The following SEMA3D variants were observed in gnomAD, a reference collection of about 807,000 sequenced individuals.
SEMA3D encodes semaphorin 3D.
SEMA3D carries 84 observed loss-of-function variants against 100.1 expected under a neutral mutation model. The ratio of observed to expected loss-of-function variants is 0.84; its 90% CI spans 0.70 to 1.01. The LOEUF (loss-of-function observed/expected upper bound fraction) is 1.01. SEMA3D is among the 50% of genes least tolerant of loss of function. The pLI is 0.00. For synonymous variants in SEMA3D, 312 were observed against 320.7 expected (o/e 0.97, Z 0.29); for missense variants, 875 against 934.1 (o/e 0.94, Z 0.82).
chr7:85,230,857 C>T, the SEMA3D span, among the ~76,000 whole-genome samples: 1 of 144,900 alleles, frequency 6.9e-6, no homozygotes, highest in Non-Finnish European at 1.5e-5. Flanking sequence ...GTAATTTCTA[C>T]CTGCTTATTG....
intron 3 of SEMA3D, among the ~76,000 whole-genome samples, chr7:85,118,754 TG>T (rs1358664166): frequency 1.9e-4 from 29 of 152,306 alleles, no homozygotes; most frequent in Non-Finnish European, 5.9e-5. Flanking sequence ...CACTGTCAAC[TG>T]TTGACAGTTT....
chr7:85,128,220 T>G (rs1195667173), intron 2 of SEMA3D, among the ~76,000 whole-genome samples: 1 of 151,980 alleles, frequency 6.6e-6, no homozygotes, highest in African/African-American at 2.4e-5. Context: ...CAGACAGGAG[T>G]GCAGTGGAGC....
intron 2 of SEMA3D, chr7:85,140,800 T>C (rs1583960968): frequency 1.1e-6 from 1 of 930,098 alleles, no homozygotes; most frequent in Non-Finnish European, 1.3e-6. Context: ...AATTATTCCA[T>C]TAATAATAGA....
intron 12 of SEMA3D, among the ~76,000 whole-genome samples, chr7:85,031,783 T>C (rs917348534): frequency 5.3e-5 from 8 of 151,986 alleles, no homozygotes; most frequent in Non-Finnish European, 1.2e-4. Context: ...GTCTGGATCA[T>C]AAGAAGTGTT....
At chr7:85,046,227 C>G (rs1315391786) in intron 9 of SEMA3D, among the ~76,000 whole-genome samples, 2 of 151,856 alleles carry the variant, frequency 1.3e-5, no homozygotes, top group African/African-American at 4.8e-5. Flanking sequence ...AAACATTTTA[C>G]TATGTAAAAG....
intron 11 of SEMA3D, among the ~76,000 whole-genome samples, chr7:85,038,620 G>T (rs1373715990): frequency 2.6e-5 from 4 of 152,094 alleles, no homozygotes; most frequent in South Asian, 2.1e-4. Context: ...CTATCTTGGG[G>T]CTATATTTTC....
the SEMA3D span, among the ~76,000 whole-genome samples, chr7:85,245,569 G>T: frequency 6.6e-6 from 1 of 151,944 alleles, no homozygotes; most frequent in Non-Finnish European, 1.5e-5. Context: ...TATACCCTTT[G>T]GTTTCCCATC....
At chr7:85,218,422 A>G in the SEMA3D span, among the ~76,000 whole-genome samples, 2 of 152,148 alleles carry the variant, frequency 1.3e-5, no homozygotes, top group African/African-American at 4.8e-5. Flanking sequence ...TTAAAAGTGT[A>G]CAATTATTTA....
intron 1 of SEMA3D, among the ~76,000 whole-genome samples, chr7:85,158,489 C>T (rs1790658516): frequency 6.6e-6 from 1 of 152,148 alleles, no homozygotes; most frequent in Non-Finnish European, 1.5e-5. Context: ...ATTGTCTGCT[C>T]TCAAACTCTA....
At chr7:85,196,264 A>T in the SEMA3D span, among the ~76,000 whole-genome samples, 4 of 152,132 alleles carry the variant, frequency 2.6e-5, no homozygotes, top group Admixed American at 2.6e-4. Context: ...GTGAATCTAG[A>T]ATCCTACCTC....
intron 3 of SEMA3D, among the ~76,000 whole-genome samples, chr7:85,108,209 A>T (rs1250057998): frequency 6.6e-6 from 1 of 152,078 alleles, no homozygotes; most frequent in Non-Finnish European, 1.5e-5. Context: ...ATAATGTCTA[A>T]ATCATTTCTG....
chr7:85,228,273 T>A, the SEMA3D span, among the ~76,000 whole-genome samples: 1 of 152,160 alleles, frequency 6.6e-6, no homozygotes, highest in Non-Finnish European at 1.5e-5. Context: ...CATGGTTAAA[T>A]AATTTCAAAC....
At chr7:85,203,922 A>G in the SEMA3D span, among the ~76,000 whole-genome samples, 1 of 152,178 alleles carries the variant, frequency 6.6e-6, no homozygotes, top group Non-Finnish European at 1.5e-5. Context: ...TTGGAATAAA[A>G]AAATGCTTCT....
the SEMA3D span, among the ~76,000 whole-genome samples, chr7:85,203,488 T>C: frequency 6.8e-3 from 1,028 of 152,222 alleles, 15 homozygotes; most frequent in African/African-American, 0.024. Flanking sequence ...ACTATATGAA[T>C]AGAATATTGT....
chr7:85,055,208 C>T (rs1003748543), intron 9 of SEMA3D, among the ~76,000 whole-genome samples: 8 of 151,828 alleles, frequency 5.3e-5, no homozygotes, highest in South Asian at 2.1e-4. Flanking sequence ...ATGTGATGTG[C>T]GTGATGATAA....
intron 11 of SEMA3D, among the ~76,000 whole-genome samples, chr7:85,038,104 G>A (rs1040330205): frequency 1.3e-5 from 2 of 151,930 alleles, no homozygotes; most frequent in Admixed American, 6.6e-5. Context: ...GTTAAATGAC[G>A]AGTTACTGGG....
chr7:85,227,001 A>T, the SEMA3D span, among the ~76,000 whole-genome samples: 1 of 152,180 alleles, frequency 6.6e-6, no homozygotes, highest in Non-Finnish European at 1.5e-5. Flanking sequence ...TTCAAATAAA[A>T]ATAAGATTGA....
At chr7:85,155,323 A>G (rs1181340435) in intron 1 of SEMA3D, among the ~76,000 whole-genome samples, 1 of 152,210 alleles carries the variant, frequency 6.6e-6, no homozygotes, top group African/African-American at 2.4e-5. Flanking sequence ...ATAAAAATAT[A>G]TAACTAAATA....
chr7:85,066,913 C>CACACACACACAGAGAGAG, intron 7 of SEMA3D, among the ~76,000 whole-genome samples: 1 of 127,760 alleles, frequency 7.8e-6, no homozygotes, highest in African/African-American at 3.2e-5. Flanking sequence ...CACACACACA[C>CACACACACACAGAGAGAG]AGAGAGAGAG....
Sources: gnomAD v4.1 joint callset for allele counts (sites outside exome capture counted in the v4.1 genomes callset) on GRCh38, gnomAD v4.1.1 for gene constraint, MANE v1.5 for transcripts, NCBI Gene and HGNC (gene_info 2026-07-23, HGNC 2026-07-21) for gene names.